FCHSD2: variants seen among roughly 807,000 people sequenced by gnomAD.
FCHSD2 encodes the protein FCH and double SH3 domains 2, also known as F-BAR and double SH3 domains protein 2.
Under a neutral mutation model 108.1 loss-of-function variants are expected in FCHSD2, and 38 were observed. The observed-to-expected ratio is 0.35, with a 90% confidence interval of 0.27 to 0.46. The LOEUF (loss-of-function observed/expected upper bound fraction) is 0.46, where lower values mean the gene tolerates loss of function less well. Among genes scored for constraint, FCHSD2 ranks in the 20% least tolerant of loss-of-function variants. The pLI, the probability that FCHSD2 is intolerant of heterozygous loss-of-function variation, is 1.00. For missense variants in FCHSD2, 751 were observed against 897.8 expected (o/e 0.84, Z 2.09); for synonymous variants, 279 against 314.7 (o/e 0.89, Z 1.20).
intron 9 of FCHSD2, among the ~76,000 whole-genome samples, chr11:72,910,813 T>C (rs894655931): frequency 1.5e-5 from 2 of 129,994 alleles, no homozygotes; most frequent in Admixed American, 1.7e-4. Flanking sequence ...CACCCAAGAA[T>C]GATCAATAAA....
At chr11:72,845,390 A>T (rs1861097195) in intron 14 of FCHSD2, among the ~76,000 whole-genome samples, 1 of 146,978 alleles carries the variant, frequency 6.8e-6, no homozygotes, top group Non-Finnish European at 1.5e-5. Context: ...GTGAGCCGAG[A>T]TCACACCACT....
At chr11:73,035,413 C>T (rs908998832) in intron 3 of FCHSD2, among the ~76,000 whole-genome samples, 1 of 152,092 alleles carries the variant, frequency 6.6e-6, no homozygotes, top group Non-Finnish European at 1.5e-5. Context: ...AGCAATCCAC[C>T]CACCTTTGGC....
chr11:73,101,420 C>T (rs993123213), intron 2 of FCHSD2, among the ~76,000 whole-genome samples: 3 of 152,004 alleles, frequency 2.0e-5, no homozygotes, highest in African/African-American at 7.3e-5. Context: ...AAAGGCTGTA[C>T]TCTTGTTGTT....
Position 72,860,705 on chromosome 11 carries a change from C to T in FCHSD2, c.1308+7160G>A, listed in dbSNP as rs1045004416. On this transcript the variant is annotated intron_variant, in intron 13 of 19. Coordinates refer to ENST00000409418, the MANE Select transcript of FCHSD2 (RefSeq NM_014824.3). ...ACTAAATATACAAAATTTAGCTGGG[C>T]GTGGTGGTGCTGGGAGGCTGAGGCA... Among the ~76,000 whole-genome samples, 7 of 151,420 alleles carry T rather than the reference C, an allele frequency of 4.6e-5. No homozygotes were observed. The South Asian group carries it at 1.0e-3, about 23-fold the overall frequency.
At chr11:72,876,315 T>C (rs994159710) in intron 12 of FCHSD2, among the ~76,000 whole-genome samples, 2 of 152,050 alleles carry the variant, frequency 1.3e-5, no homozygotes, top group African/African-American at 4.8e-5. Context: ...CAGAGTGAGA[T>C]GGTCTCAAAA....
intron 3 of FCHSD2, among the ~76,000 whole-genome samples, chr11:73,051,911 ACACACCC>A (rs1411485715): frequency 2.1e-4 from 25 of 118,382 alleles, no homozygotes; most frequent in African/African-American, 8.3e-4. Flanking sequence ...ACACACACAC[ACACACCC>A]CACACACACT....
At chr11:72,910,289 T>C (rs1369802395) in intron 9 of FCHSD2, among the ~76,000 whole-genome samples, 1 of 151,294 alleles carries the variant, frequency 6.6e-6, no homozygotes, top group East Asian at 2.0e-4. Context: ...AGCGCCTTTG[T>C]CCGGCCGCCC....
chr11:72,915,211 A>C (rs1855847703), intron 9 of FCHSD2, among the ~76,000 whole-genome samples: 1 of 152,064 alleles, frequency 6.6e-6, no homozygotes, highest in African/African-American at 2.4e-5. Flanking sequence ...TCTCACACCA[A>C]TAAGAATGGT....
chr11:72,934,724 A>C (rs1856266392), intron 8 of FCHSD2, among the ~76,000 whole-genome samples: 1 of 152,188 alleles, frequency 6.6e-6, no homozygotes, highest in Admixed American at 6.5e-5. Flanking sequence ...AATGTGAGTT[A>C]ATCTGGCAGT....
At chr11:72,917,303 G>T (rs1294795425) in intron 9 of FCHSD2, among the ~76,000 whole-genome samples, 2 of 152,118 alleles carry the variant, frequency 1.3e-5, no homozygotes, top group Non-Finnish European at 2.9e-5. Flanking sequence ...TCTTTTGCAT[G>T]TGGCTATCCA....
At chr11:73,141,780 G>A in intron 1 of FCHSD2, 77 bp downstream of exon 1, 1 of 1,443,620 alleles carries the variant, frequency 6.9e-7, no homozygotes, top group East Asian at 2.7e-5. Context: ...GGAGGGGGAA[G>A]GGGCGCAGCG....
intron 13 of FCHSD2, among the ~76,000 whole-genome samples, chr11:72,855,274 T>C (rs1017727274): frequency 6.9e-6 from 1 of 145,570 alleles, no homozygotes; most frequent in Non-Finnish European, 1.5e-5. Flanking sequence ...CAAAACTCCG[T>C]CTCAAAAACA....
rs190332454 is a variant in FCHSD2, at chr11:72,908,885, C to A, written c.829-6247G>T. On this transcript the variant is annotated intron_variant, in intron 9 of 19. Coordinates refer to ENST00000409418, the MANE Select transcript of FCHSD2 (RefSeq NM_014824.3). Reference sequence around the variant, plus strand: ...CCCAGGCTGGTCTCTAACTCCTGGGCTCAAGCGATCTGCCCACCTTGGCCT... The same window carrying A: ...CCCAGGCTGGTCTCTAACTCCTGGGATCAAGCGATCTGCCCACCTTGGCCT... 1.9e-3 allele frequency among the ~76,000 whole-genome samples: 289 copies of A among 152,190 alleles called. 5 individuals are homozygous for A. The highest frequency in any genetic ancestry group is 3.1e-4 in the Non-Finnish European group (21 of 67,996).
chr11:72,924,063 C>G (rs55671951), intron 8 of FCHSD2, among the ~76,000 whole-genome samples: 65,990 of 151,342 alleles, frequency 0.44, 15,214 homozygotes, highest in South Asian at 0.65. Context: ...ATTTTGTGGG[C>G]TGTCTTTTCA....
At chr11:72,870,247 T>C (rs1203109796) in intron 12 of FCHSD2, among the ~76,000 whole-genome samples, 4 of 152,216 alleles carry the variant, frequency 2.6e-5, no homozygotes, top group African/African-American at 7.2e-5. Flanking sequence ...AAGCACTCTA[T>C]ATAGATCTAA....
chr11:72,953,910 C>G (rs1212946176), intron 8 of FCHSD2, among the ~76,000 whole-genome samples: 2 of 151,934 alleles, frequency 1.3e-5, no homozygotes, highest in Admixed American at 1.3e-4. Flanking sequence ...TAGTAAAAGG[C>G]CAATATGATT....
At chr11:73,112,673 G>C (rs1294249872) in intron 2 of FCHSD2, among the ~76,000 whole-genome samples, 1 of 152,106 alleles carries the variant, frequency 6.6e-6, no homozygotes, top group Non-Finnish European at 1.5e-5. Context: ...TGTTGAGACG[G>C]TGTCTCGCTC....
chr11:72,940,527 A>G, intron 8 of FCHSD2: 1 of 908,904 alleles, frequency 1.1e-6, no homozygotes, highest in Non-Finnish European at 1.8e-6. Flanking sequence ...TCCAGGAGCT[A>G]TGGAGAAAGA....
chr11:73,083,635 C>G (rs1451325675), intron 3 of FCHSD2, 60 bp downstream of exon 3: 2 of 1,033,954 alleles, frequency 1.9e-6, no homozygotes, highest in Non-Finnish European at 2.9e-6. Flanking sequence ...AAAACCATCT[C>G]TGTCCTTAAG....
Sources: allele counts gnomAD v4.1 joint callset (sites outside exome capture counted in the v4.1 genomes callset), GRCh38; gene constraint gnomAD v4.1.1; transcripts MANE v1.5; gene names NCBI Gene and HGNC (gene_info 2026-07-23, HGNC 2026-07-21).